RAPGEF2: variants seen among roughly 807,000 people sequenced by gnomAD.
RAPGEF2 encodes Rap guanine nucleotide exchange factor 2.
RAPGEF2 carries 54 observed loss-of-function variants against 186.7 expected under a neutral mutation model. The observed-to-expected ratio is 0.29, with a 90% confidence interval of 0.23 to 0.36. The LOEUF is 0.36. Among genes scored for constraint, RAPGEF2 ranks in the 10% least tolerant of loss-of-function variants. RAPGEF2 has a pLI of 1.00. For synonymous variants in RAPGEF2, 712 were observed against 705.9 expected (o/e 1.01, Z -0.14); for missense variants, 1,532 against 2,045.0 (o/e 0.75, Z 4.84).
At chr4:159,117,079 A>C (rs1203286697) in intron 1 of RAPGEF2, among the ~76,000 whole-genome samples, 1 of 152,244 alleles carries the variant, frequency 6.6e-6, no homozygotes, top group Non-Finnish European at 1.5e-5. Context: ...TTGTATTGAA[A>C]AATGGCTTCA....
chr4:159,122,030 C>T (rs1739741329), intron 1 of RAPGEF2, among the ~76,000 whole-genome samples: 1 of 89,882 alleles, frequency 1.1e-5, no homozygotes, highest in South Asian at 4.1e-4. Flanking sequence ...CAGAGCAAGA[C>T]TCCATCTCAA....
intron 1 of RAPGEF2, among the ~76,000 whole-genome samples, chr4:159,149,154 C>T (rs1743261101): frequency 6.6e-6 from 1 of 152,164 alleles, no homozygotes; most frequent in Non-Finnish European, 1.5e-5. Context: ...AGAAAGAGGG[C>T]AGAAGATAAA....
intron 1 of RAPGEF2, among the ~76,000 whole-genome samples, chr4:159,155,048 C>T (rs750326910): frequency 7.9e-5 from 12 of 152,048 alleles, no homozygotes; most frequent in Non-Finnish European, 1.3e-4. Context: ...TTTGATATTT[C>T]GAATTCAGAA....
intron 1 of RAPGEF2, among the ~76,000 whole-genome samples, chr4:159,163,912 G>GA (rs1744986704): frequency 6.6e-6 from 1 of 152,126 alleles, no homozygotes; most frequent in South Asian, 2.1e-4. Context: ...AACTTAGGTT[G>GA]TATCTCACAT....
rs1183070234 is a variant in RAPGEF2 at position 159,104,512 on chromosome 4, GAGAGAGAGAGAGAGGGAGAGAC to G, written c.69+296_69+317del. On this transcript the variant is annotated intron_variant, in intron 1 of 29. Transcript: ENST00000691494. ...GCCGAGAGAGAGAGAGAGAGAGAGA[GAGAGAGAGAGAGAGGGAGAGAC>G]AGAGAGAGAGAGAGAGAGAGTGTGT... Among the ~76,000 whole-genome samples, 153 of 130,532 alleles carry G rather than the reference GAGAGAGAGAGAGAGGGAGAGAC, an allele frequency of 1.2e-3. 2 individuals carry two copies. The highest frequency in any genetic ancestry group is 2.0e-3 in the Non-Finnish European group (124 of 63,236). 85.6% of individuals were successfully genotyped at this position (130,532 alleles called of 152,430 possible). A position where few individuals can be genotyped will look rare whatever the true frequency, so the allele number is the denominator to read the frequency against.
chr4:159,317,597 A>G (rs1357775655), intron 9 of RAPGEF2, among the ~76,000 whole-genome samples: 2 of 152,036 alleles, frequency 1.3e-5, no homozygotes, highest in Non-Finnish European at 2.9e-5. Flanking sequence ...AATTTCTAAA[A>G]ACGGGTTTCA....
intron 1 of RAPGEF2, among the ~76,000 whole-genome samples, chr4:159,144,440 C>G (rs182588752): frequency 2.5e-4 from 38 of 152,208 alleles, no homozygotes; most frequent in Admixed American, 2.1e-3. Flanking sequence ...TGTGGTATTG[C>G]GTGTAGGAAC....
chr4:159,193,353 CACTAACT>C, intron 3 of RAPGEF2, 97 bp downstream of exon 3: 1 of 550,026 alleles, frequency 1.8e-6, no homozygotes. Flanking sequence ...GCTAAGTCAG[CACTAACT>C]TATTTTTCTT....
intron 17 of RAPGEF2, among the ~76,000 whole-genome samples, chr4:159,333,858 G>T (rs989590722): frequency 1.3e-5 from 2 of 152,214 alleles, no homozygotes; most frequent in Admixed American, 1.3e-4. Flanking sequence ...CAGTAGATAT[G>T]CAGGACTATA....
intron 3 of RAPGEF2, among the ~76,000 whole-genome samples, chr4:159,198,288 TTCTTTCTTTCTTTCTTTCTTTC>T (rs1561074687): frequency 5.5e-5 from 1 of 18,154 alleles, no homozygotes; most frequent in Admixed American, 6.0e-4. Flanking sequence ...CTTTCTTTCT[TTCTTTCTTTCTTTCTTTCTTTC>T]TTTCTTTCTT....
At chr4:159,302,199 T>TA (rs1158282634) in intron 7 of RAPGEF2, among the ~76,000 whole-genome samples, 1 of 152,186 alleles carries the variant, frequency 6.6e-6, no homozygotes, top group Non-Finnish European at 1.5e-5. Context: ...TTGGAGCTCT[T>TA]ACAACTCCTA....
intron 7 of RAPGEF2, among the ~76,000 whole-genome samples, chr4:159,298,230 C>T (rs1449612277): frequency 6.6e-6 from 1 of 152,022 alleles, no homozygotes; most frequent in Non-Finnish European, 1.5e-5. Flanking sequence ...ACTTTTGTTT[C>T]CTGACATTAT....
intron 1 of RAPGEF2, among the ~76,000 whole-genome samples, chr4:159,178,562 T>TTC: frequency 7.2e-6 from 1 of 138,360 alleles, no homozygotes; most frequent in Admixed American, 7.1e-5. Context: ...TTTTTTTTTT[T>TTC]TTTTTTTTTT....
chr4:159,339,581 G>A (rs1339460520), intron 19 of RAPGEF2, among the ~76,000 whole-genome samples: 1 of 152,024 alleles, frequency 6.6e-6, no homozygotes, highest in Non-Finnish European at 1.5e-5. Context: ...CTTGTTCAAG[G>A]CCACTGTGAC....
At position 159,284,718 on chromosome 4, in the gene RAPGEF2, T is replaced by C. The variant is rs140550532; in HGVS notation, c.544-19624T>C. ...ATCATTAACTGGAATATATGAAATA[T>C]ATAAAATTCTTGAAAATTGTTTAAA... On this transcript the variant is annotated intron_variant, in intron 7 of 29. Transcript: ENST00000691494. 2.0e-5 allele frequency among the ~76,000 whole-genome samples: 3 copies of C among 152,350 alleles called. No homozygotes were observed. In the East Asian group the frequency reaches 5.8e-4, roughly 29 times the overall value.
At chr4:159,226,378 C>G (rs1035451065) in intron 4 of RAPGEF2, among the ~76,000 whole-genome samples, 3 of 152,144 alleles carry the variant, frequency 2.0e-5, no homozygotes, top group African/African-American at 7.2e-5. Context: ...GTTCTTCCAC[C>G]AATACCACAT....
chr4:159,115,894 T>C (rs764989534), intron 1 of RAPGEF2, among the ~76,000 whole-genome samples: 2 of 152,018 alleles, frequency 1.3e-5, no homozygotes, highest in Non-Finnish European at 2.9e-5. Flanking sequence ...ATGCAGAAAA[T>C]TGAAACTGGG....
intron 3 of RAPGEF2, among the ~76,000 whole-genome samples, chr4:159,206,480 G>T (rs1750003853): frequency 6.6e-6 from 1 of 152,134 alleles, no homozygotes; most frequent in Non-Finnish European, 1.5e-5. Context: ...TATCCTTTAA[G>T]TACTGAACAA....
At chr4:159,214,845 A>G (rs1429213329) in intron 4 of RAPGEF2, among the ~76,000 whole-genome samples, 1 of 152,208 alleles carries the variant, frequency 6.6e-6, no homozygotes, top group East Asian at 1.9e-4. Context: ...CAAAAGGAGA[A>G]AAAACAGTAT....
Sources: gnomAD v4.1 joint callset for allele counts (sites outside exome capture counted in the v4.1 genomes callset) on GRCh38, gnomAD v4.1.1 for gene constraint, MANE v1.5 for transcripts, NCBI Gene and HGNC (gene_info 2026-07-23, HGNC 2026-07-21) for gene names.